APBA1: variants seen among roughly 807,000 people sequenced by gnomAD.
The protein encoded by APBA1 is amyloid-beta A4 precursor protein-binding family A member 1.
In APBA1, 55 loss-of-function variants were observed where a neutral mutation model predicts 86.6. That is an observed-to-expected ratio of 0.64 (90% CI 0.51 to 0.80). The LOEUF is 0.80. APBA1 is among the 30% of genes least tolerant of loss of function. APBA1 has a pLI of 0.00. For missense variants in APBA1, 1,090 were observed against 1,183.0 expected (o/e 0.92, Z 1.15); for synonymous variants, 511 against 493.9 (o/e 1.03, Z -0.46).
At chr9:69,472,270 C>G (rs895569348) in intron 3 of APBA1, among the ~76,000 whole-genome samples, 3 of 151,988 alleles carry the variant, frequency 2.0e-5, no homozygotes, top group Non-Finnish European at 4.4e-5. Context: ...AATTAAAAAC[C>G]CTGGAATTTC....
intron 9 of APBA1, 130 bp downstream of exon 9, chr9:69,451,992 C>T (rs982381092): frequency 1.3e-4 from 115 of 873,364 alleles, no homozygotes; most frequent in Middle Eastern, 6.1e-4. Context: ...GGGTGAACGA[C>T]TTCATGATGT....
At chr9:69,602,723 C>T (rs1822378328) in intron 1 of APBA1, among the ~76,000 whole-genome samples, 1 of 152,116 alleles carries the variant, frequency 6.6e-6, no homozygotes, top group Non-Finnish European at 1.5e-5. Context: ...CTACTTGGCA[C>T]CAGGCACCAC....
intron 1 of APBA1, among the ~76,000 whole-genome samples, chr9:69,573,528 T>C (rs905389044): frequency 1.3e-5 from 2 of 152,254 alleles, no homozygotes; most frequent in East Asian, 1.9e-4. Flanking sequence ...CACAAAATTG[T>C]TGACTTTGAA....
chr9:69,626,042 A>T (rs1186542124), intron 1 of APBA1, among the ~76,000 whole-genome samples: 1 of 152,200 alleles, frequency 6.6e-6, no homozygotes, highest in Non-Finnish European at 1.5e-5. Flanking sequence ...TAGGTTTAGG[A>T]AAAAGCAATT....
chr9:69,458,414 GCTT>G (rs1442171597), intron 5 of APBA1, among the ~76,000 whole-genome samples: 1 of 152,166 alleles, frequency 6.6e-6, no homozygotes, highest in African/African-American at 2.4e-5. Context: ...GTGTTGCAGT[GCTT>G]CTTATACTTA....
intron 1 of APBA1, among the ~76,000 whole-genome samples, chr9:69,609,377 T>C (rs1822537451): frequency 6.6e-6 from 1 of 152,216 alleles, no homozygotes; most frequent in Non-Finnish European, 1.5e-5. Context: ...TGCAAGGACA[T>C]CTGCCCAGCA....
At chr9:69,556,330 T>A (rs1836859165) in intron 1 of APBA1, among the ~76,000 whole-genome samples, 2 of 152,134 alleles carry the variant, frequency 1.3e-5, no homozygotes. Context: ...CTTTGTTCAG[T>A]CCACACTAAA....
chr9:69,662,804 G>C (rs1823776528), intron 1 of APBA1, among the ~76,000 whole-genome samples: 1 of 152,136 alleles, frequency 6.6e-6, no homozygotes, highest in Non-Finnish European at 1.5e-5. Context: ...GGAGGTTGTG[G>C]CCCAGTGACT....
In APBA1 at chr9:69,449,683, C is replaced by T. The variant is rs111676069; in HGVS notation, c.2082G>A (p.Ala694=). Residue 694 remains alanine, a synonymous_variant, in exon 10 of 13, where the codon GCG becomes GCA. Coordinates refer to ENST00000265381, the MANE Select transcript of APBA1 (RefSeq NM_001163.4). ...CGATATTCAGCTTCCCAGATTTCTC[C>T]GCAGGGCCACCATGCATCATGTTGG... is the stretch of plus-strand genomic sequence containing the variant. ...IIANMMHGGP[A]EKSGKLNIGD... The T allele has an allele frequency of 1.3e-4, 217 of 1,613,940 alleles. No individual in the cohort carries two copies. The highest frequency in any genetic ancestry group is 6.7e-5 in the Admixed American group (4 of 59,994).
chr9:69,515,362 C>T (rs1836119735), intron 2 of APBA1, among the ~76,000 whole-genome samples: 1 of 152,096 alleles, frequency 6.6e-6, no homozygotes, highest in Non-Finnish European at 1.5e-5. Context: ...AAACGCTGGT[C>T]TCAGGTGGAA....
At chr9:69,548,141 C>T (rs946367114) in intron 1 of APBA1, among the ~76,000 whole-genome samples, 9 of 152,160 alleles carry the variant, frequency 5.9e-5, no homozygotes, top group Admixed American at 5.9e-4. Context: ...TTGGCACAAT[C>T]CCCTCTCCTG....
intron 1 of APBA1, among the ~76,000 whole-genome samples, chr9:69,535,844 T>C (rs769005656): frequency 2.0e-5 from 3 of 152,128 alleles, no homozygotes; most frequent in Non-Finnish European, 2.9e-5. Context: ...TAAATAAATA[T>C]TATGCCTTTT....
intron 1 of APBA1, among the ~76,000 whole-genome samples, chr9:69,561,899 T>G (rs1836951713): frequency 2.0e-5 from 3 of 152,170 alleles, no homozygotes; most frequent in African/African-American, 7.2e-5. Context: ...AGTACTGGGA[T>G]TACAGGCATG....
intron 1 of APBA1, among the ~76,000 whole-genome samples, chr9:69,648,848 C>CCACCTCCATTCCTCCCTGCAGGTCT (rs1242706755): frequency 6.6e-6 from 1 of 152,102 alleles, no homozygotes; most frequent in African/African-American, 2.4e-5. Flanking sequence ...ATCTAAGGGC[C>CCACCTCCATTCCTCCCTGCAGGTCT]CACCTCCATT....
chr9:69,466,164 G>C (rs1400109780), intron 5 of APBA1, among the ~76,000 whole-genome samples: 1 of 152,166 alleles, frequency 6.6e-6, no homozygotes, highest in Non-Finnish European at 1.5e-5. Context: ...GAGGTGGTCA[G>C]ATCAGTGGGT....
intron 8 of APBA1, among the ~76,000 whole-genome samples, chr9:69,453,966 G>A (rs1835054510): frequency 6.6e-6 from 1 of 152,248 alleles, no homozygotes; most frequent in Non-Finnish European, 1.5e-5. Flanking sequence ...CACACTTCCT[G>A]AGAAGGGGCT....
intron 2 of APBA1, among the ~76,000 whole-genome samples, chr9:69,483,152 C>T (rs555623206): frequency 1.4e-4 from 19 of 133,850 alleles, no homozygotes; most frequent in Middle Eastern, 3.7e-3. Flanking sequence ...AACAAAAAAA[C>T]GAAACAAAAA....
intron 1 of APBA1, among the ~76,000 whole-genome samples, chr9:69,625,718 A>G (rs1158746543): frequency 5.3e-5 from 8 of 152,208 alleles, no homozygotes. Flanking sequence ...AAAATTTAAT[A>G]TTAAGCATAT....
At chr9:69,523,495 A>ATATATATATG (rs1333051495) in intron 1 of APBA1, among the ~76,000 whole-genome samples, 1 of 14,834 alleles carries the variant, frequency 6.7e-5, no homozygotes, top group Non-Finnish European at 1.7e-4. Context: ...ATATATATAT[A>ATATATATATG]TGTATATATA....
Sources: gnomAD v4.1 joint callset for allele counts (sites outside exome capture counted in the v4.1 genomes callset) on GRCh38, gnomAD v4.1.1 for gene constraint, MANE v1.5 for transcripts, NCBI Gene and HGNC (gene_info 2026-07-23, HGNC 2026-07-21) for gene names.